DPPA4: variants seen among roughly 807,000 people sequenced by gnomAD.
DPPA4 encodes the protein developmental pluripotency-associated protein 4.
In DPPA4, 22 loss-of-function variants were observed where a neutral mutation model predicts 33.7. The ratio of observed to expected loss-of-function variants is 0.65; its 90% CI spans 0.47 to 0.93. The LOEUF is 0.93. Ranked by LOEUF, DPPA4 falls within the 40% of genes least tolerant of loss-of-function variation. The pLI is 0.00. For missense variants in DPPA4, 340 were observed against 358.6 expected (o/e 0.95, Z 0.42); for synonymous variants, 156 against 132.3 (o/e 1.18, Z -1.23).
chr3:109,327,339 C>G lies in DPPA4; in HGVS notation c.*649G>C, dbSNP rs1707958825. On this transcript the variant is annotated 3_prime_UTR_variant, in exon 7 of 7. Coordinates refer to ENST00000335658, the MANE Select transcript of DPPA4 (RefSeq NM_018189.4). ...CACAAGAGCCAACTACCATTTTACTCAAGTCCATCACAATGCTTAGCTGAA... is the reference window on the plus strand; with the variant it reads ...CACAAGAGCCAACTACCATTTTACTGAAGTCCATCACAATGCTTAGCTGAA... 3 of 152,158 alleles carry G rather than the reference C, an allele frequency of 2.0e-5. No individual in the cohort carries two copies. The highest frequency in any genetic ancestry group is 2.0e-4 in the Admixed American group (3 of 15,256). The allele number at this position is 152,158 out of a possible 1,614,324, so 9.4% of individuals were successfully genotyped here.
rs545626456 is a variant in DPPA4, at chr3:109,328,572, A to G, written c.878+318T>C. ...GTTTACATGCCCACCATCCCTGTTA[A>G]GACTGTAGGCTACTTAAAGGAAGAG... On this transcript the variant is annotated intron_variant, in intron 6 of 6. Coordinates refer to ENST00000335658, the MANE Select transcript of DPPA4 (RefSeq NM_018189.4). Among the ~76,000 whole-genome samples the G allele has an allele frequency of 3.4e-4, 52 of 152,262 alleles. 2 individuals are homozygous for G. In the South Asian group the frequency reaches 8.9e-3, roughly 26 times the overall value.
intron 4 of DPPA4, among the ~76,000 whole-genome samples, chr3:109,331,459 G>A (rs1708074920): frequency 7.0e-6 from 1 of 142,964 alleles, no homozygotes; most frequent in South Asian, 2.3e-4. Context: ...CAGGAGAATT[G>A]CTTGAACCCG....
intron 6 of DPPA4, 106 bp downstream of exon 6, chr3:109,328,784 T>A (rs1707989791): frequency 9.6e-7 from 1 of 1,038,478 alleles, no homozygotes; most frequent in Non-Finnish European, 1.4e-6. Flanking sequence ...TACTGACAAT[T>A]TGAGCTTGAA....
chr3:109,333,543 G>T (rs1708128650), intron 2 of DPPA4: 2 of 225,902 alleles, frequency 8.9e-6, no homozygotes, highest in South Asian at 1.4e-4. Context: ...TAGGAAGTCC[G>T]GTTTCAAGAA....
At position 109,328,945 on chromosome 3, in the gene DPPA4, T is replaced by C; in HGVS notation, c.823A>G (p.Asn275Asp). 2 of 1,613,994 alleles carry C rather than the reference T, an allele frequency of 1.2e-6. No homozygotes were observed. The highest frequency in any genetic ancestry group is 1.7e-6 in the Non-Finnish European group (2 of 1,180,004). ...VSALFLLPAS[N>D]FPPPHLEDNM... ...TCTTCAAGGTGCGGGGGTGGAAAAT[T>C]GGAGGCAGGAAGCAAGAAGAGTGCA... The change falls in exon 6 of 7, where the codon AAT becomes GAT. Residue 275 changes from asparagine to aspartate, a missense_variant. This residue lies in a region of DPPA4 where 212 missense variants were observed against 206.5 expected (regional missense o/e 1.03). Transcript: ENST00000335658.
In DPPA4 at chr3:109,327,274, C is replaced by T. The variant is rs1321302282; in HGVS notation, c.*714G>A. 1 of 152,194 alleles carries T rather than the reference C, an allele frequency of 6.6e-6. No homozygotes were observed. The highest frequency in any genetic ancestry group is 2.4e-5 in the African/African-American group (1 of 41,456). 9.4% of individuals were successfully genotyped at this position (152,194 alleles called of 1,614,324 possible). A position where few individuals can be genotyped will look rare whatever the true frequency, so the allele number is the denominator to read the frequency against. On this transcript the variant is annotated 3_prime_UTR_variant, in exon 7 of 7. Coordinates refer to ENST00000335658, the MANE Select transcript of DPPA4 (RefSeq NM_018189.4). ...TGAAATTGCAATTGGAATGAAGCAG[C>T]TCCTAAAGTAGTCAGTGTTCAGAGG...
chr3:109,337,490 T>C lies in DPPA4; in HGVS notation c.28A>G (p.Ser10Gly), dbSNP rs754838084. Residue 10 changes from serine to glycine, a missense_variant, in exon 1 of 7, where the codon AGT becomes GGT. Physicochemically the swap from Ser to Gly is moderately conservative, Grantham distance 56. Around this residue, in one of 3 missense-constraint regions of DPPA4, gnomAD observed 96 missense variants for 91.8 expected, o/e 1.05. Coordinates refer to ENST00000335658, the MANE Select transcript of DPPA4 (RefSeq NM_018189.4). Reference protein sequence around the residue: MLRGSASSTSMEKAKGKEWT... With the variant: MLRGSASSTGMEKAKGKEWT... ...TCCTTGCCTTTTGCCTTCTCCATAC[T>C]TGTAGAAGAAGCGGAGCCTCGCAAC... 1.9e-6 allele frequency: 3 copies of C among 1,614,090 alleles called. 1 individual carries two copies. Among genetic ancestry groups the C allele is most frequent in the South Asian group, 2.2e-5 (2 of 91,076 alleles).
intron 1 of DPPA4, among the ~76,000 whole-genome samples, chr3:109,337,114 G>C (rs949463508): frequency 6.6e-6 from 1 of 151,788 alleles, no homozygotes; most frequent in Non-Finnish European, 1.5e-5. Context: ...TGGTCAGGCT[G>C]GTCTCGAACT....
rs765552449 is a variant in DPPA4 at position 109,326,953 on chromosome 3, A to G, written c.*1035T>C. ...AAATACAACAGATGAATTATTTTAC[A>G]TACACATCTTATTTTTATTTATGGA... On this transcript the variant is annotated 3_prime_UTR_variant, in exon 7 of 7. Coordinates refer to ENST00000335658, the MANE Select transcript of DPPA4 (RefSeq NM_018189.4). 2.0e-5 allele frequency: 3 copies of G among 152,218 alleles called. No individual in the cohort carries two copies. Among genetic ancestry groups the G allele is most frequent in the Non-Finnish European group, 4.4e-5 (3 of 68,040 alleles). The allele number at this position is 152,218 out of a possible 1,614,324, so 9.4% of individuals were successfully genotyped here.
chr3:109,330,878 G>GGTT, intron 4 of DPPA4, 66 bp from the exon 5 acceptor site: 6 of 1,453,498 alleles, frequency 4.1e-6, no homozygotes, highest in Non-Finnish European at 5.5e-6. Flanking sequence ...ATGGCCTAAG[G>GGTT]AGCTCTTGAT....
At chr3:109,337,591 T>C, upstream of DPPA4, 4 of 1,326,276 alleles carry the variant, frequency 3.0e-6, no homozygotes, top group Non-Finnish European at 4.4e-6. Context: ...CCGAAGACCC[T>C]TTTTCTCTCC....
At position 109,327,117 on chromosome 3, in the gene DPPA4, G is replaced by C. The variant is rs1028585423; in HGVS notation, c.*871C>G. On this transcript the variant is annotated 3_prime_UTR_variant, in exon 7 of 7. Transcript: ENST00000335658. Reference sequence around the variant, plus strand: ...ACAAAGTCCCTTGTGTTTTGATCCTGGAGTCAAACCATAGAAATCTCAGGT... The same window carrying C: ...ACAAAGTCCCTTGTGTTTTGATCCTCGAGTCAAACCATAGAAATCTCAGGT... The C allele has an allele frequency of 3.3e-5, 5 of 151,858 alleles. No individual in the cohort carries two copies. The highest frequency in any genetic ancestry group is 9.7e-5 in the African/African-American group (4 of 41,162). The allele number at this position is 151,858 out of a possible 1,614,324, so 9.4% of individuals were successfully genotyped here. A position where few individuals can be genotyped will look rare whatever the true frequency, so the allele number is the denominator to read the frequency against.
At chr3:109,333,386 T>C (rs1708124480) in intron 2 of DPPA4, 2 of 145,458 alleles carry the variant, frequency 1.4e-5, no homozygotes, top group Admixed American at 6.9e-5. Flanking sequence ...AAAACCAGCC[T>C]GTAATGACAC....
At chr3:109,337,359 A>G in intron 1 of DPPA4, 105 bp downstream of exon 1, 1 of 1,022,520 alleles carries the variant, frequency 9.8e-7, no homozygotes. Context: ...AGAGGAGAAA[A>G]TTCGAAGGCA....
upstream of DPPA4, chr3:109,337,583 G>A: frequency 6.8e-7 from 1 of 1,467,744 alleles, no homozygotes; most frequent in Non-Finnish European, 9.5e-7. Context: ...CCTGCCGCCC[G>A]AAGACCCTTT....
rs13059848 is a variant in DPPA4 at position 109,330,537 on chromosome 3, T to C, written c.666A>G (p.Pro222=). 0.16 allele frequency: 253,584 copies of C among 1,613,684 alleles called. 22,009 individuals are homozygous for C. Among genetic ancestry groups the C allele is most frequent in the Middle Eastern group, 0.21 (1,243 of 6,040 alleles). ...RARTPEAVES[P]QEASGVRWCV... is the part of the protein sequence containing the mutation. Reference sequence around the variant, plus strand: ...TGTTGCGCTTACCAGAGGCCTCTTGTGGAGATTCCACTGCCTCTGGTGTCC... The same window carrying C: ...TGTTGCGCTTACCAGAGGCCTCTTGCGGAGATTCCACTGCCTCTGGTGTCC... The change falls in exon 5 of 7, where the codon CCA becomes CCG. Residue 222 remains proline (P), a synonymous_variant. Transcript: ENST00000335658.
chr3:109,332,114 C>CT, intron 2 of DPPA4, 83 bp from the exon 3 acceptor site: 1 of 1,318,630 alleles, frequency 7.6e-7, no homozygotes, highest in Non-Finnish European at 1.0e-6. Context: ...CTTTTTTTTT[C>CT]TTTTTTGAGA....
Position 109,328,901 on chromosome 3 carries a change from T to A in DPPA4, c.867A>T (p.Lys289Asn). The A allele has an allele frequency of 6.2e-7, 1 of 1,613,776 alleles. No homozygotes were observed. The highest frequency in any genetic ancestry group is 1.3e-5 in the African/African-American group (1 of 75,026). ...PHLEDNMLCP[K>N]CVHRNKVLIK... ...CATCAGGTAATTACCTGTGAACACA[T>A]TTGGGGCACAACATATTGTCTTCAA... Residue 289 changes from lysine to asparagine, a missense_variant, in exon 6 of 7, where the codon AAA becomes AAT. Around this residue, in one of 3 missense-constraint regions of DPPA4, gnomAD observed 212 missense variants for 206.5 expected, o/e 1.03. Coordinates refer to ENST00000335658, the MANE Select transcript of DPPA4 (RefSeq NM_018189.4).
At chr3:109,332,760 C>T (rs1708109485) in intron 2 of DPPA4, among the ~76,000 whole-genome samples, 1 of 152,192 alleles carries the variant, frequency 6.6e-6, no homozygotes, top group South Asian at 2.1e-4. Flanking sequence ...TGTTTCTGTT[C>T]ATCCCGCTTC....
Sources: gnomAD v4.1 joint callset for allele counts (sites outside exome capture counted in the v4.1 genomes callset) on GRCh38, gnomAD v4.1.1 for gene constraint, gnomAD v4.1.1 regional missense constraint, MANE v1.5 for transcripts, NCBI Gene and HGNC (gene_info 2026-07-23, HGNC 2026-07-21) for gene names.